ZNF804B: variants seen among roughly 807,000 people sequenced by gnomAD.
ZNF804B encodes the protein zinc finger protein 804B.
ZNF804B carries 80 observed loss-of-function variants against 101.4 expected under a neutral mutation model. The ratio of observed to expected loss-of-function variants is 0.79; its 90% CI spans 0.66 to 0.95. The LOEUF (loss-of-function observed/expected upper bound fraction) is 0.95. Ranked by LOEUF, ZNF804B falls within the 40% of genes least tolerant of loss-of-function variation. ZNF804B has a pLI of 0.00. For synonymous variants in ZNF804B, 622 were observed against 558.8 expected (o/e 1.11, Z -1.59); for missense variants, 1,673 against 1,561.9 (o/e 1.07, Z -1.20).
At chr7:89,276,372 A>T (rs149211904) in intron 2 of ZNF804B, among the ~76,000 whole-genome samples, 1 of 151,894 alleles carries the variant, frequency 6.6e-6, no homozygotes, top group Non-Finnish European at 1.5e-5. Context: ...GACCCCTTGG[A>T]TATACACACA....
intron 1 of ZNF804B, among the ~76,000 whole-genome samples, chr7:88,813,900 A>G (rs969657604): frequency 6.6e-6 from 1 of 152,202 alleles, no homozygotes; most frequent in Non-Finnish European, 1.5e-5. Flanking sequence ...GGAGTTTTAA[A>G]TGCTAAAGAA....
At chr7:89,163,979 G>A (rs1381389350) in intron 1 of ZNF804B, among the ~76,000 whole-genome samples, 1 of 151,026 alleles carries the variant, frequency 6.6e-6, no homozygotes, top group Non-Finnish European at 1.5e-5. Flanking sequence ...TTTACGCAAG[G>A]GAATGACCAT....
At chr7:88,873,159 A>G (rs1277880061) in intron 1 of ZNF804B, among the ~76,000 whole-genome samples, 1 of 151,506 alleles carries the variant, frequency 6.6e-6, no homozygotes, top group Non-Finnish European at 1.5e-5. Context: ...AATGATTGCC[A>G]TTCTAACTGG....
intron 1 of ZNF804B, among the ~76,000 whole-genome samples, chr7:89,217,255 G>T (rs917829130): frequency 1.3e-5 from 2 of 152,164 alleles, no homozygotes; most frequent in Non-Finnish European, 2.9e-5. Context: ...CTGGTATATT[G>T]AGAAGGTTGG....
At chr7:89,085,442 G>T (rs1031653986) in intron 1 of ZNF804B, among the ~76,000 whole-genome samples, 2 of 151,892 alleles carry the variant, frequency 1.3e-5, no homozygotes, top group African/African-American at 4.8e-5. Flanking sequence ...TGGAGTTGAT[G>T]AATTGAAGTA....
intron 1 of ZNF804B, among the ~76,000 whole-genome samples, chr7:89,159,278 T>A (rs1043097422): frequency 6.6e-6 from 1 of 152,186 alleles, no homozygotes; most frequent in Non-Finnish European, 1.5e-5. Context: ...TGGGCTAGTG[T>A]CTACTGAAAC....
chr7:88,944,671 AGT>A (rs1462812339), intron 1 of ZNF804B, among the ~76,000 whole-genome samples: 1 of 151,870 alleles, frequency 6.6e-6, no homozygotes, highest in Non-Finnish European at 1.5e-5. Flanking sequence ...AGGTAATAAA[AGT>A]AACCAGAGTC....
chr7:89,027,612 G>A (rs1022993626), intron 1 of ZNF804B, among the ~76,000 whole-genome samples: 4 of 151,976 alleles, frequency 2.6e-5, no homozygotes, highest in East Asian at 1.9e-4. Flanking sequence ...ATATTCTCTC[G>A]CTCTCCCTCT....
chr7:88,961,992 C>T (rs1253668431), intron 1 of ZNF804B, among the ~76,000 whole-genome samples: 1 of 151,204 alleles, frequency 6.6e-6, no homozygotes, highest in Non-Finnish European at 1.5e-5. Flanking sequence ...CTGTAATACA[C>T]AAGGTTTTAG....
chr7:89,106,826 C>G (rs1790143806), intron 1 of ZNF804B, among the ~76,000 whole-genome samples: 1 of 152,166 alleles, frequency 6.6e-6, no homozygotes, highest in Non-Finnish European at 1.5e-5. Flanking sequence ...AGTGGCAGAA[C>G]AGAGAATATC....
rs533528216 is a variant in ZNF804B at position 88,946,443 on chromosome 7, C to T, written c.108+186359C>T. 9.2e-5 allele frequency among the ~76,000 whole-genome samples: 14 copies of T among 151,890 alleles called. No individual in the cohort carries two copies. In the East Asian group the frequency reaches 1.9e-3, roughly 21 times the overall value. ...CAGCCTTGCATCCCAGGGATGAAGC[C>T]GACTTGATTGTGGTGGATAAGCTTT... is the stretch of plus-strand genomic sequence containing the variant. On this transcript the variant is annotated intron_variant, in intron 1 of 3. Transcript: ENST00000333190.
intron 2 of ZNF804B, among the ~76,000 whole-genome samples, chr7:89,219,441 G>A (rs893164505): frequency 1.3e-5 from 2 of 151,722 alleles, no homozygotes; most frequent in African/African-American, 4.9e-5. Flanking sequence ...GTAATCACAG[G>A]TGAAAACATT....
At chr7:88,820,390 G>T (rs536423996) in intron 1 of ZNF804B, among the ~76,000 whole-genome samples, 1 of 152,196 alleles carries the variant, frequency 6.6e-6, no homozygotes, top group East Asian at 1.9e-4. Context: ...GGGTTCAGGT[G>T]TTCCAGTGAG....
At chr7:88,893,261 A>G (rs946155897) in intron 1 of ZNF804B, among the ~76,000 whole-genome samples, 2 of 152,116 alleles carry the variant, frequency 1.3e-5, no homozygotes, top group African/African-American at 4.8e-5. Flanking sequence ...CTCACCACCT[A>G]AGCAAGTATT....
intron 1 of ZNF804B, among the ~76,000 whole-genome samples, chr7:89,015,136 T>A (rs186533721): frequency 2.6e-5 from 4 of 152,286 alleles, no homozygotes; most frequent in East Asian, 1.9e-4. Context: ...TTGACACCTT[T>A]GTCAAAAGTT....
chr7:88,923,654 A>C (rs1032028879), intron 1 of ZNF804B, among the ~76,000 whole-genome samples: 1 of 152,206 alleles, frequency 6.6e-6, no homozygotes, highest in South Asian at 2.1e-4. Flanking sequence ...TTTTTCTTTT[A>C]GTTAAAAGTA....
intron 1 of ZNF804B, among the ~76,000 whole-genome samples, chr7:88,929,131 C>T (rs975713597): frequency 6.6e-6 from 1 of 151,858 alleles, no homozygotes; most frequent in African/African-American, 2.4e-5. Context: ...TAGATAAGCT[C>T]TCTTTATCAT....
At chr7:89,265,303 C>CCCGCGCGCGT (rs1554386426) in intron 2 of ZNF804B, among the ~76,000 whole-genome samples, 1 of 135,886 alleles carries the variant, frequency 7.4e-6, no homozygotes, top group African/African-American at 2.5e-5. Context: ...TGCGCGTGCG[C>CCCGCGCGCGT]GCGCGCACAC....
At chr7:89,232,367 G>A (rs13233612) in intron 2 of ZNF804B, among the ~76,000 whole-genome samples, 18,587 of 152,082 alleles carry the variant, frequency 0.12, 1,217 homozygotes, top group Middle Eastern at 0.25. Flanking sequence ...TTCTGTTCTT[G>A]AGAGAAATAT....
Sources: gnomAD v4.1 joint callset for allele counts (sites outside exome capture counted in the v4.1 genomes callset) on GRCh38, gnomAD v4.1.1 for gene constraint, MANE v1.5 for transcripts, NCBI Gene and HGNC (gene_info 2026-07-23, HGNC 2026-07-21) for gene names.